ZBTB20: variants seen among roughly 807,000 people sequenced by gnomAD.
The protein encoded by ZBTB20 is zinc finger and BTB domain-containing protein 20.
A neutral mutation model predicts 56.9 loss-of-function variants in ZBTB20; 9 were observed. That is an observed-to-expected ratio of 0.16 (90% confidence interval 0.10 to 0.28). The LOEUF (loss-of-function observed/expected upper bound fraction) is 0.28. Ranked by LOEUF, ZBTB20 falls within the 10% of genes least tolerant of loss-of-function variation. ZBTB20 has a pLI of 1.00. For missense variants in ZBTB20, 655 were observed against 1,003.0 expected, an observed-to-expected ratio of 0.65 and a Z score of 4.69; for synonymous variants, 417 against 420.7, an observed-to-expected ratio of 0.99 and a Z score of 0.11.
intron 7 of ZBTB20, among the ~76,000 whole-genome samples, chr3:114,475,559 T>C (rs527744820): frequency 6.6e-6 from 1 of 152,238 alleles, no homozygotes; most frequent in South Asian, 2.1e-4. Context: ...TAAAGAAGAT[T>C]AGAAATAATG....
intron 4 of ZBTB20, among the ~76,000 whole-genome samples, chr3:114,886,294 A>G (rs2076597508): frequency 6.6e-6 from 1 of 152,208 alleles, no homozygotes; most frequent in South Asian, 2.1e-4. Context: ...AGACCTGGAT[A>G]TTCATGATTC....
intron 7 of ZBTB20, among the ~76,000 whole-genome samples, chr3:114,407,812 T>A (rs1335730776): frequency 1.3e-5 from 2 of 152,036 alleles, no homozygotes; most frequent in Non-Finnish European, 2.9e-5. Flanking sequence ...GTATCGAAAT[T>A]TGCCTTTTTA....
chr3:114,655,043 G>A (rs1012477897), intron 6 of ZBTB20, among the ~76,000 whole-genome samples: 1 of 151,900 alleles, frequency 6.6e-6, no homozygotes, highest in African/African-American at 2.4e-5. Context: ...CATTTAAAGT[G>A]TATTCCTGTA....
chr3:114,451,451 C>A (rs190895962), intron 7 of ZBTB20, among the ~76,000 whole-genome samples: 1 of 151,954 alleles, frequency 6.6e-6, no homozygotes, highest in East Asian at 1.9e-4. Context: ...AAAAATGGAC[C>A]CCCCAAAAAG....
At chr3:114,922,401 T>A (rs1440722502) in intron 3 of ZBTB20, among the ~76,000 whole-genome samples, 2 of 152,020 alleles carry the variant, frequency 1.3e-5, no homozygotes, top group African/African-American at 4.8e-5. Context: ...CATAATCTTA[T>A]ATGTAGAAAA....
intron 5 of ZBTB20, among the ~76,000 whole-genome samples, chr3:114,745,280 T>A (rs1478321009): frequency 6.6e-6 from 1 of 152,182 alleles, no homozygotes. Context: ...TTACCATGAA[T>A]CTGCCCTCAA....
chr3:114,414,885 T>C (rs1195755446), intron 7 of ZBTB20, among the ~76,000 whole-genome samples: 1 of 151,748 alleles, frequency 6.6e-6, no homozygotes, highest in East Asian at 1.9e-4. Flanking sequence ...TCATCTATAC[T>C]CCTTTCTCTG....
rs527843034 is a variant in ZBTB20 at position 114,882,807 on chromosome 3, T to TCA, written c.-417+17495_-417+17496dup. Among the ~76,000 whole-genome samples, 15 of 152,264 alleles carry TCA rather than the reference T, an allele frequency of 9.9e-5. No homozygotes were observed. In the South Asian group the frequency reaches 3.1e-3, roughly 32 times the overall value. On this transcript the variant is annotated intron_variant, in intron 4 of 11. Transcript: ENST00000675478. ...TTTTTATCTCTGGTGAATAGTGCTA[T>TCA]CAGTCGGTAAAGACATACTTTTCAC...
chr3:115,012,581 T>C (rs1269318415), intron 2 of ZBTB20, among the ~76,000 whole-genome samples: 2 of 151,736 alleles, frequency 1.3e-5, no homozygotes, highest in African/African-American at 2.4e-5. Flanking sequence ...AACATTTTTA[T>C]AGCTAAAGAT....
chr3:115,064,771 G>A (rs2082146241), intron 2 of ZBTB20, among the ~76,000 whole-genome samples: 1 of 152,076 alleles, frequency 6.6e-6, no homozygotes, highest in African/African-American at 2.4e-5. Flanking sequence ...GAATTTTAAA[G>A]CCACATCTTC....
intron 5 of ZBTB20, among the ~76,000 whole-genome samples, chr3:114,740,993 A>G (rs1578633905): frequency 2.0e-5 from 3 of 152,170 alleles, no homozygotes; most frequent in Non-Finnish European, 2.9e-5. Context: ...ATGGAGTCCA[A>G]CTGGTATCTT....
intron 2 of ZBTB20, among the ~76,000 whole-genome samples, chr3:115,019,147 T>C (rs1465378367): frequency 6.6e-6 from 1 of 151,328 alleles, no homozygotes; most frequent in Non-Finnish European, 1.5e-5. Flanking sequence ...AAAGAAAAAA[T>C]CTAATTTTTC....
intron 1 of ZBTB20, among the ~76,000 whole-genome samples, chr3:115,112,279 A>G (rs2083900885): frequency 6.6e-6 from 1 of 152,136 alleles, no homozygotes; most frequent in Non-Finnish European, 1.5e-5. Flanking sequence ...TAGGTTATCC[A>G]TCACCCTGAG....
intron 4 of ZBTB20, among the ~76,000 whole-genome samples, chr3:114,819,198 G>GA (rs2073107614): frequency 1.3e-5 from 2 of 151,854 alleles, no homozygotes; most frequent in African/African-American, 4.8e-5. Context: ...GGATCTATAT[G>GA]AATAAAAAGA....
At chr3:114,601,588 AATAG>A (rs551291711) in intron 6 of ZBTB20, among the ~76,000 whole-genome samples, 2 of 152,044 alleles carry the variant, frequency 1.3e-5, no homozygotes, top group South Asian at 2.1e-4. Flanking sequence ...ATAGATGATT[AATAG>A]ATAGCTAAAT....
At chr3:114,636,941 A>ACAC (rs386397672) in intron 6 of ZBTB20, among the ~76,000 whole-genome samples, 2 of 151,518 alleles carry the variant, frequency 1.3e-5, no homozygotes, top group Admixed American at 6.6e-5. Flanking sequence ...AACAACAACA[A>ACAC]CACACTTTAG....
intron 10 of ZBTB20, 116 bp downstream of exon 10, chr3:114,380,101 C>T (rs2084131379): frequency 1.8e-6 from 2 of 1,132,624 alleles, no homozygotes; most frequent in Non-Finnish European, 2.4e-6. Flanking sequence ...TTACTTTTGG[C>T]TGCTTTAGAA....
At chr3:114,733,161 G>A (rs557440493) in intron 5 of ZBTB20, among the ~76,000 whole-genome samples, 69 of 152,198 alleles carry the variant, frequency 4.5e-4, no homozygotes, top group African/African-American at 1.6e-3. Flanking sequence ...TAAGTTAGTA[G>A]GAAATGTTAC....
At chr3:114,567,765 A>G (rs1028565694) in intron 6 of ZBTB20, among the ~76,000 whole-genome samples, 2 of 152,206 alleles carry the variant, frequency 1.3e-5, no homozygotes, top group African/African-American at 4.8e-5. Context: ...CAAAGGAAAC[A>G]ACCAATGAGG....
Sources: gnomAD v4.1 joint callset for allele counts (sites outside exome capture counted in the v4.1 genomes callset) on GRCh38, gnomAD v4.1.1 for gene constraint, MANE v1.5 for transcripts, NCBI Gene and HGNC (gene_info 2026-07-23, HGNC 2026-07-21) for gene names.